The following ADCY2 variants were observed in gnomAD, a reference collection of about 807,000 sequenced individuals.
The protein encoded by ADCY2 is adenylate cyclase type 2.
In ADCY2, 31 loss-of-function variants were observed where a neutral mutation model predicts 125.2. The ratio of observed to expected loss-of-function variants is 0.25; its 90% CI spans 0.19 to 0.33. ADCY2 has a LOEUF of 0.33. ADCY2 is among the 10% of genes least tolerant of loss of function. The pLI is 1.00. For missense variants in ADCY2, 904 were observed against 1,418.2 expected (o/e 0.64, Z 5.82); for synonymous variants, 512 against 548.4 (o/e 0.93, Z 0.93).
chr5:7,692,373 G>C (rs571120616), intron 5 of ADCY2: 153 of 152,290 alleles, frequency 1.0e-3, no homozygotes, highest in African/African-American at 3.5e-3. Flanking sequence ...CTCATATCAG[G>C]AAGGAGGTAA....
At chr5:7,775,463 T>C (rs1327474977) in intron 18 of ADCY2, among the ~76,000 whole-genome samples, 2 of 152,192 alleles carry the variant, frequency 1.3e-5, no homozygotes, top group East Asian at 3.9e-4. Flanking sequence ...TGATCTCTGC[T>C]CAGTGCAACC....
Position 7,727,145 on chromosome 5 carries a change from G to C in ADCY2, c.1774-19G>C. The C allele has an allele frequency of 1.3e-6, 2 of 1,593,886 alleles. No individual in the cohort carries two copies. Among genetic ancestry groups the C allele is most frequent in the African/African-American group, 1.3e-5 (1 of 74,564 alleles). ...TCTCTTGGAGAACTGTCACTCACAG[G>C]TTCCTTTCTCCCCCTCAGTACCGGG... On this transcript the variant is annotated intron_variant, in intron 13 of 24. Transcript: ENST00000338316.
In ADCY2 at chr5:7,637,431, C is replaced by CAA. The variant is rs71591740; in HGVS notation, c.720+11134_720+11135dup. On this transcript the variant is annotated intron_variant, in intron 4 of 24. Coordinates refer to ENST00000338316, the MANE Select transcript of ADCY2 (RefSeq NM_020546.3). Reference sequence around the variant, plus strand: ...TGGGTAACAGAGTGAGACTCCGTCTCAAAAAAAAAAAAAAAAAAAAGAGAA... The same window carrying CAA: ...TGGGTAACAGAGTGAGACTCCGTCTCAAAAAAAAAAAAAAAAAAAAAAGAGAA... 4.2e-3 allele frequency among the ~76,000 whole-genome samples: 308 copies of CAA among 73,956 alleles called. 2 individuals are homozygous for CAA. Among genetic ancestry groups the CAA allele is most frequent in the African/African-American group, 7.1e-3 (163 of 23,038 alleles). 48.5% of individuals were successfully genotyped at this position (73,956 alleles called of 152,430 possible).
intron 4 of ADCY2, among the ~76,000 whole-genome samples, chr5:7,685,681 G>C (rs1352809130): frequency 6.6e-6 from 1 of 152,214 alleles, no homozygotes; most frequent in East Asian, 1.9e-4. Flanking sequence ...GGAGAACAGG[G>C]TGATGAAGGC....
At chr5:7,642,999 A>T (rs1047105258) in intron 4 of ADCY2, among the ~76,000 whole-genome samples, 1 of 151,440 alleles carries the variant, frequency 6.6e-6, no homozygotes, top group Non-Finnish European at 1.5e-5. Context: ...AACAAAAAAC[A>T]CTCTTCAGTA....
intron 3 of ADCY2, among the ~76,000 whole-genome samples, chr5:7,589,506 G>GAAAGA (rs398108564): frequency 0.051 from 4,798 of 93,372 alleles, 296 homozygotes; most frequent in East Asian, 0.11. Context: ...AAGAAAGAAA[G>GAAAGA]AAAGAAAAGA....
chr5:7,639,703 C>A (rs564601441), intron 4 of ADCY2, among the ~76,000 whole-genome samples: 4 of 152,176 alleles, frequency 2.6e-5, no homozygotes, highest in Non-Finnish European at 5.9e-5. Context: ...ATTGCATACA[C>A]CTTCTTATTC....
intron 16 of ADCY2, among the ~76,000 whole-genome samples, chr5:7,766,106 CA>C (rs113279979): frequency 0.018 from 2,695 of 152,152 alleles, 74 homozygotes; most frequent in African/African-American, 0.062. Flanking sequence ...ATCCCCTTTC[CA>C]GCAGTCCAGA....
chr5:7,611,712 G>A (rs763753724), intron 3 of ADCY2, among the ~76,000 whole-genome samples: 34 of 152,102 alleles, frequency 2.2e-4, no homozygotes, highest in Non-Finnish European at 4.1e-4. Context: ...AGGGTTGGGG[G>A]TTTATCTCTT....
chr5:7,626,168 T>C lies in ADCY2; in HGVS notation c.572T>C (p.Ile191Thr), dbSNP rs372388122. The change falls in exon 4 of 25, where the codon ATC becomes ACC. Residue 191 changes from isoleucine to threonine, a missense_variant and splice_region_variant. By Grantham distance (89) the Ile-to-Thr change is moderately conservative (BLOSUM62 -1). Coordinates refer to ENST00000338316, the MANE Select transcript of ADCY2 (RefSeq NM_020546.3). ...GAGCAGCTCTTTCTGTCTCTTTAGA[T>C]CCTGGCCAATGTGATCATTTTCATC... ...PGGKEHLVWQ[I>T]LANVIIFICG... 1.2e-6 allele frequency: 2 copies of C among 1,612,984 alleles called. No individual in the cohort carries two copies. The highest frequency in any genetic ancestry group is 1.7e-6 in the Non-Finnish European group (2 of 1,179,688).
Position 7,695,758 on chromosome 5 carries a change from A to T in ADCY2, c.876A>T (p.Leu292Phe). The T allele has an allele frequency of 6.2e-7, 1 of 1,610,526 alleles. No individual in the cohort carries two copies. Residue 292 changes from leucine to phenylalanine, a missense_variant, in exon 6 of 25, where the codon TTA (leucine) becomes TTT (phenylalanine). Transcript: ENST00000338316. The part of the protein sequence containing the change: ...YVKRHTNVSI[L>F]YADIVGFTRL... ...ACCTCCTTTCTTCCCACAGCATCTT[A>T]TACGCTGACATCGTTGGCTTTACCC...
chr5:7,417,216 G>A (rs546111136), intron 2 of ADCY2, among the ~76,000 whole-genome samples: 3 of 151,552 alleles, frequency 2.0e-5, no homozygotes, highest in South Asian at 2.1e-4. Flanking sequence ...AATAATTTTC[G>A]TTAGACTCAA....
intron 14 of ADCY2, among the ~76,000 whole-genome samples, chr5:7,729,425 ATCTT>A (rs1742028857): frequency 6.6e-6 from 1 of 151,872 alleles, no homozygotes; most frequent in African/African-American, 2.4e-5. Flanking sequence ...TCAATTTGAT[ATCTT>A]TCTTTATATT....
At chr5:7,690,919 T>C in intron 5 of ADCY2, 80 bp downstream of exon 5, 3 of 1,379,402 alleles carry the variant, frequency 2.2e-6, no homozygotes, top group Non-Finnish European at 2.9e-6. Context: ...TCACACCTCA[T>C]ATCACCATCT....
At chr5:7,478,452 C>G (rs1742600599) in intron 2 of ADCY2, among the ~76,000 whole-genome samples, 2 of 152,138 alleles carry the variant, frequency 1.3e-5, no homozygotes, top group African/African-American at 4.8e-5. Flanking sequence ...TATATAAACT[C>G]TTTATAATTA....
intron 2 of ADCY2, among the ~76,000 whole-genome samples, chr5:7,475,215 G>A (rs1292953201): frequency 6.6e-6 from 1 of 152,184 alleles, no homozygotes; most frequent in East Asian, 1.9e-4. Flanking sequence ...CCGGAAGTGC[G>A]AAGAAGATCA....
intron 14 of ADCY2, among the ~76,000 whole-genome samples, chr5:7,730,927 C>G (rs900692314): frequency 6.6e-5 from 10 of 152,064 alleles, no homozygotes; most frequent in African/African-American, 1.9e-4. Context: ...GGACACATAT[C>G]TCTGCTCAGT....
At chr5:7,680,696 CTT>C (rs1327708358) in intron 4 of ADCY2, among the ~76,000 whole-genome samples, 1 of 152,130 alleles carries the variant, frequency 6.6e-6, no homozygotes, top group Non-Finnish European at 1.5e-5. Context: ...ATAAAGTAAA[CTT>C]GAGTTTTCAT....
chr5:7,630,788 C>CTTTT lies in ADCY2; in HGVS notation c.720+4485_720+4488dup, dbSNP rs149391909. ...TTGCTTTCTCTCTCTCTCTCCTTGT[C>CTTTT]TTTTTTTTTTTTTTTTGAGATGCAG... On this transcript the variant is annotated intron_variant, in intron 4 of 24. Transcript: ENST00000338316. Among the ~76,000 whole-genome samples, 444 of 132,196 alleles carry CTTTT rather than the reference C, an allele frequency of 3.4e-3. 7 individuals are homozygous for CTTTT. Among genetic ancestry groups the CTTTT allele is most frequent in the African/African-American group, 0.012 (415 of 33,898 alleles). The allele number at this position is 132,196 out of a possible 152,430, so 86.7% of individuals were successfully genotyped here.
Sources: gnomAD v4.1 joint callset for allele counts (sites outside exome capture counted in the v4.1 genomes callset) on GRCh38, gnomAD v4.1.1 for gene constraint, MANE v1.5 for transcripts, NCBI Gene and HGNC (gene_info 2026-07-23, HGNC 2026-07-21) for gene names.